HERC1: variants seen among roughly 807,000 people sequenced by gnomAD.
HERC1 encodes probable E3 ubiquitin-protein ligase HERC1.
In HERC1, 160 loss-of-function variants were observed where a neutral mutation model predicts 554.3. The observed-to-expected ratio is 0.29, with a 90% CI of 0.25 to 0.33. The LOEUF (loss-of-function observed/expected upper bound fraction) is 0.33, where lower values mean the gene tolerates loss of function less well. Among genes scored for constraint, HERC1 ranks in the 10% least tolerant of loss-of-function variants. The probability of loss-of-function intolerance (pLI) is 1.00; values close to 1 mark genes in which losing one functional copy is unlikely to be tolerated. For missense variants in HERC1, 4,919 were observed against 5,918.5 expected, an observed-to-expected ratio of 0.83 and a Z score of 5.54; for synonymous variants, 2,175 against 2,131.7, an observed-to-expected ratio of 1.02 and a Z score of -0.56.
At chr15:63,802,306 T>C (rs957734188) in intron 1 of HERC1, among the ~76,000 whole-genome samples, 1 of 152,240 alleles carries the variant, frequency 6.6e-6, no homozygotes. Flanking sequence ...GTTGTTATTA[T>C]TGCTATTTAA....
At chr15:63,615,977 AT>A in intron 75 of HERC1, 57 bp from the exon 76 acceptor site, 1 of 1,387,614 alleles carries the variant, frequency 7.2e-7, no homozygotes. Context: ...AGCAAAAAGT[AT>A]TTTACATACA....
rs1333730931 is a variant in HERC1 at position 63,616,659 on chromosome 15, C to T, written c.13712G>A (p.Cys4571Tyr). ...RDRFLFNPSA[C>Y]LDEHLMQFKF... The stretch of plus-strand genomic sequence containing the variant: ...AAACTGCATTAAGTGTTCATCGAGG[C>T]AGGCAGAAGGGTTAAAAAGGAACCT... The change falls in exon 75 of 78, where the codon TGC becomes TAC. Residue 4571 changes from cysteine (C) to tyrosine (Y), a missense_variant. By Grantham distance (194) the Cys-to-Tyr change is radical. Transcript: ENST00000443617. 2 of 1,613,724 alleles carry T rather than the reference C, an allele frequency of 1.2e-6. No individual in the cohort carries two copies. The highest frequency in any genetic ancestry group is 1.7e-5 in the Admixed American group (1 of 59,994).
At position 63,692,092 on chromosome 15, in the gene HERC1, A is replaced by C. The variant is rs992030181; in HGVS notation, c.5830+319T>G. Among the ~76,000 whole-genome samples the C allele has an allele frequency of 1.4e-4, 22 of 152,224 alleles. No homozygotes were observed. The highest frequency in any genetic ancestry group is 6.2e-4 in the South Asian group (3 of 4,830). ...CAGATCTGCATCCTGATAATCCAAGAAGCAAGGTCGGAATCTGTGCTAAAA... is the reference window on the plus strand; with the variant it reads ...CAGATCTGCATCCTGATAATCCAAGCAGCAAGGTCGGAATCTGTGCTAAAA... On this transcript the variant is annotated intron_variant, in intron 31 of 77. Coordinates refer to ENST00000443617, the MANE Select transcript of HERC1 (RefSeq NM_003922.4). The surrounding 1 kb of genome is among the most constrained non-coding windows in gnomAD (Gnocchi z 4.7).
intron 22 of HERC1, among the ~76,000 whole-genome samples, 196 bp downstream of exon 22, chr15:63,716,106 G>A (rs1161578159): frequency 6.6e-6 from 1 of 152,170 alleles, no homozygotes; most frequent in African/African-American, 2.4e-5. Context: ...CCCTGAATAT[G>A]TAACCCAAAA....
intron 63 of HERC1, 32 bp downstream of exon 63, chr15:63,638,379 G>T: frequency 6.3e-7 from 1 of 1,599,942 alleles, no homozygotes; most frequent in Non-Finnish European, 8.5e-7. Context: ...CAGTTCCCAT[G>T]TTTCTTTTCT....
At chr15:63,818,635 G>A (rs753161290) in intron 1 of HERC1, among the ~76,000 whole-genome samples, 17 of 152,134 alleles carry the variant, frequency 1.1e-4, no homozygotes, top group African/African-American at 1.9e-4. Flanking sequence ...TTTATATGGC[G>A]TAGCTTTGAG....
chr15:63,687,071 T>C (rs1332101348), intron 33 of HERC1, among the ~76,000 whole-genome samples: 1 of 152,106 alleles, frequency 6.6e-6, no homozygotes, highest in African/African-American at 2.4e-5. Flanking sequence ...TGGAAAACCT[T>C]GTGTGTCATA....
In HERC1 at chr15:63,628,692, G is replaced by C. The variant is rs1299088309; in HGVS notation, c.13090C>G (p.Pro4364Ala). The C allele has an allele frequency of 3.1e-6, 5 of 1,610,798 alleles. No homozygotes were observed. Among genetic ancestry groups the C allele is most frequent in the Admixed American group, 1.7e-5 (1 of 58,954 alleles). Reference protein sequence around the residue: ...HSAAWTAPPVPPRAPGVSVPL... With the variant: ...HSAAWTAPPVAPRAPGVSVPL... Reference sequence around the variant, plus strand: ...CATTCCTCACCTGGTGCTCTTGGTGGGACAGGTGGTGCTGTCCATGCAGCA... The same window carrying C: ...CATTCCTCACCTGGTGCTCTTGGTGCGACAGGTGGTGCTGTCCATGCAGCA... The change falls in exon 70 of 78, where the codon CCA (proline) becomes GCA (alanine). Residue 4364 changes from proline (P) to alanine (A), a missense_variant. By Grantham distance (27) the Pro-to-Ala change is conservative (BLOSUM62 -1). Transcript: ENST00000443617.
intron 25 of HERC1, among the ~76,000 whole-genome samples, chr15:63,705,627 TAATATCATGAAA>T (rs2072962395): frequency 6.6e-6 from 1 of 152,140 alleles, no homozygotes; most frequent in African/African-American, 2.4e-5. Context: ...ACAAAAGATT[TAATATCATGAAA>T]AAAAATTTTT....
rs1331069471 is a variant in HERC1 at position 63,718,804 on chromosome 15, C to T, written c.3836G>A (p.Ser1279Asn). ...AALLKHTNLL[S>N]QACGESRYQP... is the part of the protein sequence containing the mutation. ...TTGCCGGCTTTCTCCACATGCTTGA[C>T]TAAGTAAATTTGTGTGTTTCAGAAG... Residue 1279 changes from serine (S) to asparagine (N), a missense_variant, in exon 20 of 78, where the codon AGT (serine) becomes AAT (asparagine). Ser to Asn is a conservative substitution (Grantham distance 46). Around this residue, in one of 11 missense-constraint regions of HERC1, gnomAD observed 1,121 missense variants for 1,244.0 expected, o/e 0.90. Transcript: ENST00000443617. This position sits in a 1 kb window ranked among gnomAD's most constrained non-coding sequence, Gnocchi z 4.2. The T allele has an allele frequency of 1.9e-6, 3 of 1,613,470 alleles. No homozygotes were observed. The highest frequency in any genetic ancestry group is 2.5e-6 in the Non-Finnish European group (3 of 1,179,612).
At chr15:63,714,639 C>A (rs2073462274) in intron 22 of HERC1, among the ~76,000 whole-genome samples, 1 of 150,582 alleles carries the variant, frequency 6.6e-6, no homozygotes, top group African/African-American at 2.4e-5. Context: ...AACCTCCACC[C>A]CCAGGTTCAA....
rs747474503 is a variant in HERC1 at position 63,752,926 on chromosome 15, C to G, written c.1902+32G>C. ...TAGTCACCTAATCCTCTGAAATACT[C>G]TAAGTCTTTTATACTCATCCCTTAG... On this transcript the variant is annotated intron_variant, in intron 8 of 77. Coordinates refer to ENST00000443617, the MANE Select transcript of HERC1 (RefSeq NM_003922.4). 13 of 1,595,962 alleles carry G rather than the reference C, an allele frequency of 8.1e-6. No homozygotes were observed. The South Asian group carries it at 1.5e-4, about 18-fold the overall frequency.
At position 63,651,296 on chromosome 15, in the gene HERC1, T is replaced by C; in HGVS notation, c.10503A>G (p.Leu3501=). 1.9e-6 allele frequency: 3 copies of C among 1,613,920 alleles called. No homozygotes were observed. Among genetic ancestry groups the C allele is most frequent in the East Asian group, 2.2e-5 (1 of 44,868 alleles). The change falls in exon 53 of 78, where the codon CTA becomes CTG. Residue 3501 remains leucine (L), a synonymous_variant. Transcript: ENST00000443617. ...PVSWSISGKY[L]AGALEKMVNI... is the part of the protein sequence containing the mutation. ...TCACCATCTTTTCCAAAGCGCCTGC[T>C]AGATATTTGCCACTGATACTCCAGG...
At chr15:63,829,522 A>AGT (rs1292362877) in intron 1 of HERC1, among the ~76,000 whole-genome samples, 4 of 45,644 alleles carry the variant, frequency 8.8e-5, no homozygotes, top group Non-Finnish European at 2.0e-4. Flanking sequence ...ATATATAAAT[A>AGT]ATATGTGTGC....
chr15:63,824,321 C>A (rs2077809469), intron 1 of HERC1, among the ~76,000 whole-genome samples: 1 of 152,008 alleles, frequency 6.6e-6, no homozygotes, highest in African/African-American at 2.4e-5. Flanking sequence ...ATCACAAGGT[C>A]AGGAGATGGA....
chr15:63,773,375 C>T (rs1363673484), intron 2 of HERC1, among the ~76,000 whole-genome samples: 4 of 141,934 alleles, frequency 2.8e-5, no homozygotes, highest in South Asian at 2.3e-4. Flanking sequence ...ACCCAGGAGG[C>T]AGAGGTTGCA....
intron 2 of HERC1, among the ~76,000 whole-genome samples, chr15:63,766,459 G>A (rs1011856943): frequency 6.6e-6 from 1 of 152,060 alleles, no homozygotes. Context: ...ATGGTGGCAT[G>A]TGCCTGTAAT....
chr15:63,636,566 C>T (rs551043227), intron 64 of HERC1, among the ~76,000 whole-genome samples: 40 of 152,234 alleles, frequency 2.6e-4, no homozygotes, highest in African/African-American at 8.9e-4. Context: ...CCACAGTAAC[C>T]GGCCTAATTT....
chr15:63,658,410 G>T, intron 48 of HERC1, 134 bp downstream of exon 48: 1 of 655,746 alleles, frequency 1.5e-6, no homozygotes, highest in Non-Finnish European at 2.4e-6. Context: ...CAATGACTAC[G>T]TCTAACATCT....
Sources: allele counts gnomAD v4.1 joint callset (sites outside exome capture counted in the v4.1 genomes callset), GRCh38; gene constraint gnomAD v4.1.1; regional missense constraint gnomAD v4.1.1; non-coding constraint Gnocchi (gnomAD v3.1); transcripts MANE v1.5; gene names NCBI Gene and HGNC (gene_info 2026-07-23, HGNC 2026-07-21).